Variants in LDB2 observed in about 807,000 individuals in gnomAD.
LDB2 encodes LIM domain-binding protein 2.
LDB2 carries 12 observed loss-of-function variants against 44.3 expected under a neutral mutation model. That is an observed-to-expected ratio of 0.27 (90% CI 0.17 to 0.44). The LOEUF is 0.44. Among genes scored for constraint, LDB2 ranks in the 20% least tolerant of loss-of-function variants. LDB2 has a pLI of 1.00. For missense variants in LDB2, 344 were observed against 473.5 expected, an observed-to-expected ratio of 0.73 and a Z score of 2.54; for synonymous variants, 164 against 174.8, an observed-to-expected ratio of 0.94 and a Z score of 0.49.
intron 2 of LDB2, among the ~76,000 whole-genome samples, chr4:16,658,703 G>T (rs1023201556): frequency 2.6e-5 from 4 of 152,232 alleles, no homozygotes; most frequent in African/African-American, 9.6e-5. Context: ...TGACCTCAGT[G>T]TTAAAAAAAG....
chr4:16,851,591 T>A (rs531906029), intron 1 of LDB2, among the ~76,000 whole-genome samples: 1 of 147,846 alleles, frequency 6.8e-6, no homozygotes, highest in Non-Finnish European at 1.5e-5. Flanking sequence ...GAGACTCTTG[T>A]CTCCAAAAAA....
At chr4:16,749,722 C>G (rs1384366317) in intron 2 of LDB2, among the ~76,000 whole-genome samples, 1 of 151,678 alleles carries the variant, frequency 6.6e-6, no homozygotes. Flanking sequence ...ATGGGAAAAA[C>G]TGTAGGTTTA....
intron 1 of LDB2, among the ~76,000 whole-genome samples, chr4:16,852,030 A>T: frequency 6.6e-6 from 1 of 152,246 alleles, no homozygotes; most frequent in East Asian, 1.9e-4. Flanking sequence ...TTCTGAAATC[A>T]CAGGCAGTTG....
intron 2 of LDB2, among the ~76,000 whole-genome samples, chr4:16,661,239 A>T (rs546014630): frequency 1.1e-4 from 17 of 152,376 alleles, no homozygotes; most frequent in Admixed American, 7.2e-4. Flanking sequence ...AGGAATGAAA[A>T]GAAAGAAGCA....
Position 16,898,564 on chromosome 4 carries a change from G to A in LDB2, c.-79C>T. ...GAGCACATGGGCTGTGTTCTTCCCA[G>A]TACAAAGTAGACGCACGCACACACG... is the stretch of plus-strand genomic sequence containing the variant. On this transcript the variant is annotated 5_prime_UTR_variant, in exon 1 of 8. Transcript: ENST00000304523. 1 of 1,461,934 alleles carries A rather than the reference G, an allele frequency of 6.8e-7. No homozygotes were observed. Among genetic ancestry groups the A allele is most frequent in the Non-Finnish European group, 9.4e-7 (1 of 1,061,950 alleles). 90.6% of individuals were successfully genotyped at this position (1,461,934 alleles called of 1,614,324 possible).
intron 1 of LDB2, among the ~76,000 whole-genome samples, chr4:16,894,748 T>C (rs75626889): frequency 0.018 from 2,744 of 152,240 alleles, 70 homozygotes; most frequent in African/African-American, 0.063. Context: ...TTTAAATGCA[T>C]TGGTTTTCAA....
chr4:16,518,460 G>A (rs757653555), intron 5 of LDB2, among the ~76,000 whole-genome samples: 2 of 151,410 alleles, frequency 1.3e-5, no homozygotes, highest in Non-Finnish European at 2.9e-5. Flanking sequence ...AGGTCAACGC[G>A]TTGCTCAGAC....
intron 6 of LDB2, among the ~76,000 whole-genome samples, chr4:16,511,584 A>G (rs1721769333): frequency 7.1e-6 from 1 of 141,744 alleles, no homozygotes; most frequent in Non-Finnish European, 1.5e-5. Flanking sequence ...CTTCCTTTTC[A>G]TAATGTCTGT....
intron 2 of LDB2, among the ~76,000 whole-genome samples, chr4:16,609,983 C>A (rs1210598040): frequency 6.6e-6 from 1 of 152,064 alleles, no homozygotes; most frequent in East Asian, 1.9e-4. Flanking sequence ...GGTCAGAGAT[C>A]CTGGAAGAAG....
At chr4:16,571,716 A>G (rs1746595559) in intron 5 of LDB2, among the ~76,000 whole-genome samples, 1 of 152,208 alleles carries the variant, frequency 6.6e-6, no homozygotes, top group Admixed American at 6.5e-5. Context: ...AATGAAGCCA[A>G]CTTTGTGCCT....
intron 5 of LDB2, among the ~76,000 whole-genome samples, chr4:16,516,946 GC>G (rs1723980551): frequency 6.6e-6 from 1 of 152,210 alleles, no homozygotes. Context: ...CTTCTCTGCT[GC>G]AAAGATGCAA....
chr4:16,566,084 A>G (rs1241297231), intron 5 of LDB2, among the ~76,000 whole-genome samples: 9 of 152,042 alleles, frequency 5.9e-5, no homozygotes, highest in African/African-American at 1.9e-4. Context: ...CAGAAAGACA[A>G]AACATCATCA....
chr4:16,796,994 T>A (rs973057465), intron 1 of LDB2, among the ~76,000 whole-genome samples: 1 of 152,132 alleles, frequency 6.6e-6, no homozygotes, highest in Non-Finnish European at 1.5e-5. Context: ...AAATGCAACG[T>A]GGTATTGTGC....
At chr4:16,781,228 C>T (rs1362756994) in intron 1 of LDB2, among the ~76,000 whole-genome samples, 2 of 152,082 alleles carry the variant, frequency 1.3e-5, no homozygotes, top group African/African-American at 4.8e-5. Flanking sequence ...GAGTGGGCAG[C>T]AAAGGATGTG....
chr4:16,765,252 G>T (rs1360878393), intron 1 of LDB2, among the ~76,000 whole-genome samples: 3 of 152,180 alleles, frequency 2.0e-5, no homozygotes, highest in Non-Finnish European at 4.4e-5. Flanking sequence ...GCCAGCATAT[G>T]CAGGACCCTG....
At chr4:16,858,611 AC>A (rs1316207766) in intron 1 of LDB2, among the ~76,000 whole-genome samples, 6 of 152,218 alleles carry the variant, frequency 3.9e-5, no homozygotes, top group African/African-American at 1.2e-4. Context: ...CCGGTCCTCG[AC>A]TTTATCACCC....
chr4:16,501,623 C>T lies in LDB2; in HGVS notation c.*1020G>A, dbSNP rs2152181676. On this transcript the variant is annotated 3_prime_UTR_variant, in exon 8 of 8. Coordinates refer to ENST00000304523, the MANE Select transcript of LDB2 (RefSeq NM_001290.5). The stretch of plus-strand genomic sequence containing the variant: ...ACAGCTGTTTTTTAACACACGGAGC[C>T]ACTGTGCCTTTACATGTGTGGAGGA... 6.5e-6 allele frequency: 1 copy of T among 152,708 alleles called. No individual in the cohort carries two copies. Among genetic ancestry groups the T allele is most frequent in the South Asian group, 2.1e-4 (1 of 4,828 alleles). The allele number at this position is 152,708 out of a possible 1,614,324, so 9.5% of individuals were successfully genotyped here.
chr4:16,529,216 G>C (rs776112184), intron 5 of LDB2, among the ~76,000 whole-genome samples: 1 of 152,104 alleles, frequency 6.6e-6, no homozygotes, highest in Admixed American at 6.6e-5. Context: ...TGTCCTCCTT[G>C]AACTTGGGCC....
At chr4:16,604,663 G>C (rs1423513266) in intron 2 of LDB2, among the ~76,000 whole-genome samples, 1 of 151,788 alleles carries the variant, frequency 6.6e-6, no homozygotes, top group East Asian at 1.9e-4. Context: ...GTTGATTTGA[G>C]ATCTTGTTAC....
Sources: gnomAD v4.1 joint callset for allele counts (sites outside exome capture counted in the v4.1 genomes callset) on GRCh38, gnomAD v4.1.1 for gene constraint, MANE v1.5 for transcripts, NCBI Gene and HGNC (gene_info 2026-07-23, HGNC 2026-07-21) for gene names.